The following F2RL3 variants were observed in gnomAD, a reference collection of about 807,000 sequenced individuals.
F2RL3 encodes F2R like thrombin or trypsin receptor 3.
F2RL3 carries 3 observed loss-of-function variants against 4.9 expected under a neutral mutation model. The observed-to-expected ratio is 0.61, with a 90% CI of 0.28 to 1.58. The LOEUF is 1.58. Ranked by LOEUF, F2RL3 falls within the 40% of genes most tolerant of loss-of-function variation. F2RL3 has a pLI of 0.11. For missense variants in F2RL3, 564 were observed against 550.4 expected, an observed-to-expected ratio of 1.02 and a Z score of -0.25; for synonymous variants, 284 against 278.4, an observed-to-expected ratio of 1.02 and a Z score of -0.20.
rs371095099 is a variant in F2RL3 at position 16,890,339 on chromosome 19, C to T, written c.876C>T (p.Ala292=). The change falls in exon 2 of 2, where the codon GCC becomes GCT. Residue 292 remains alanine, a synonymous_variant. Transcript: ENST00000248076. ...LRLTAVVLAS[A]VAFFVPSNLL... ...TGACCGCAGTGGTGCTGGCCTCCGC[C>T]GTGGCCTTCTTCGTGCCCAGCAACC... The T allele has an allele frequency of 1.1e-5, 17 of 1,596,494 alleles. No individual in the cohort carries two copies. The highest frequency in any genetic ancestry group is 8.0e-5 in the African/African-American group (6 of 74,692).
At position 16,892,603 on chromosome 19, in the gene F2RL3, C is replaced by A. The variant is rs1004869566; in HGVS notation, c.*1982C>A. The A allele has an allele frequency of 2.1e-5, 4 of 189,908 alleles. No homozygotes were observed. The highest frequency in any genetic ancestry group is 9.3e-5 in the African/African-American group (4 of 43,212). The allele number at this position is 189,908 out of a possible 1,614,324, so 11.8% of individuals were successfully genotyped here. A position where few individuals can be genotyped will look rare whatever the true frequency, so the allele number is the denominator to read the frequency against. On this transcript the variant is annotated 3_prime_UTR_variant, in exon 2 of 2. Transcript: ENST00000248076. ...GGTTGTAAGCCTTGCACGGGACAGA[C>A]CACAAGGGGCCATGCCAGTGGCTGT...
Position 16,889,583 on chromosome 19 carries a change from C to G in F2RL3, c.120C>G (p.Pro40=). ...GSTGGGDDST[P]SILPAPRGYP... ...CCCTCTCTCTCCCAGACAGCACGCC[C>G]TCAATCCTGCCTGCCCCCCGCGGCT... is the stretch of plus-strand genomic sequence containing the variant. Residue 40 remains proline (P), a synonymous_variant, in exon 2 of 2, where the codon CCC becomes CCG. Coordinates refer to ENST00000248076, the MANE Select transcript of F2RL3 (RefSeq NM_003950.4). The G allele has an allele frequency of 6.3e-7, 1 of 1,577,572 alleles. No homozygotes were observed.
In F2RL3 at chr19:16,890,448, A is replaced by G; in HGVS notation, c.985A>G (p.Ser329Gly). ...TGCCTACGTGCCCAGCCTGGCGCTG[A>G]GCACCCTCAACAGCTGCGTGGATCC... ...YGAYVPSLAL[S>G]TLNSCVDPFI... The change falls in exon 2 of 2, where the codon AGC becomes GGC. Residue 329 changes from serine (S) to glycine (G), a missense_variant. By Grantham distance (56) the Ser-to-Gly change is moderately conservative (BLOSUM62 0). Transcript: ENST00000248076. 3 of 1,612,788 alleles carry G rather than the reference A, an allele frequency of 1.9e-6. No homozygotes were observed. Among genetic ancestry groups the G allele is most frequent in the Middle Eastern group, 3.3e-4 (2 of 6,062 alleles).
chr19:16,889,937 T>G lies in F2RL3; in HGVS notation c.474T>G (p.Gly158=), dbSNP rs2051765558. The G allele has an allele frequency of 1.2e-5, 19 of 1,589,786 alleles. No individual in the cohort carries two copies. Among genetic ancestry groups the G allele is most frequent in the Non-Finnish European group, 1.6e-5 (19 of 1,171,866 alleles). The part of the protein sequence containing the change: ...ACRLATAALY[G]HMYGSVLLLA... The stretch of plus-strand genomic sequence containing the variant: ...GCCTGGCCACGGCCGCACTCTATGG[T>G]CACATGTATGGCTCAGTGCTGCTGC... The change falls in exon 2 of 2, where the codon GGT becomes GGG. Residue 158 remains glycine (G), a synonymous_variant. Transcript: ENST00000248076.
At position 16,891,485 on chromosome 19, in the gene F2RL3, C is replaced by T. The variant is rs985191937; in HGVS notation, c.*864C>T. 16 of 152,152 alleles carry T rather than the reference C, an allele frequency of 1.1e-4. No individual in the cohort carries two copies. The highest frequency in any genetic ancestry group is 3.9e-4 in the African/African-American group (16 of 41,494). 9.4% of individuals were successfully genotyped at this position (152,152 alleles called of 1,614,324 possible). On this transcript the variant is annotated 3_prime_UTR_variant, in exon 2 of 2. Transcript: ENST00000248076. ...AGATAGTGGGTGTGGTGGCTCACAC[C>T]TGCAATCCCAGCACTTTGGAAGGCC...
At position 16,889,144 on chromosome 19, in the gene F2RL3, A is replaced by C. The variant is rs542089132; in HGVS notation, c.-46A>C. On this transcript the variant is annotated 5_prime_UTR_variant, in exon 1 of 2. Coordinates refer to ENST00000248076, the MANE Select transcript of F2RL3 (RefSeq NM_003950.4). ...AGAAGCTGGGGCTCAGGGTCCGGCG[A>C]GGCAGGAAGCCTGAGGCCACAGCCC... 64 of 1,346,668 alleles carry C rather than the reference A, an allele frequency of 4.8e-5. No individual in the cohort carries two copies. In the South Asian group the frequency reaches 9.6e-4, roughly 20 times the overall value. The allele number at this position is 1,346,668 out of a possible 1,614,324, so 83.4% of individuals were successfully genotyped here. A position where few individuals can be genotyped will look rare whatever the true frequency, so the allele number is the denominator to read the frequency against.
In F2RL3 at chr19:16,889,316, TG is replaced by T. The variant is rs1442628417; in HGVS notation, c.109+22del. 1.9e-6 allele frequency: 3 copies of T among 1,567,106 alleles called. No homozygotes were observed. Among genetic ancestry groups the T allele is most frequent in the Non-Finnish European group, 2.6e-6 (3 of 1,153,744 alleles). The stretch of plus-strand genomic sequence containing the variant: ...TGGTGATGGTGAGTGGTCCTGGCTT[TG>T]GGGTGCAGAGATGGGGTTACATCAG... On this transcript the variant is annotated intron_variant, in intron 1 of 1. Transcript: ENST00000248076.
Position 16,890,319 on chromosome 19 carries a change from G to A in F2RL3, c.856G>A (p.Ala286Thr), listed in dbSNP as rs771582957. Residue 286 changes from alanine (A) to threonine (T), a missense_variant, in exon 2 of 2, where the codon GCA becomes ACA. Transcript: ENST00000248076. ...CTACGGCCACGCGCTGAGGCTGACC[G>A]CAGTGGTGCTGGCCTCCGCCGTGGC... Reference protein sequence around the residue: ...RRYGHALRLTAVVLASAVAFF... With the variant: ...RRYGHALRLTTVVLASAVAFF... 2.7e-5 allele frequency: 43 copies of A among 1,583,682 alleles called. No homozygotes were observed. The highest frequency in any genetic ancestry group is 8.1e-5 in the African/African-American group (6 of 74,436).
Position 16,890,014 on chromosome 19 carries a change from C to T in F2RL3, c.551C>T (p.Ala184Val), listed in dbSNP as rs1328976958. The stretch of plus-strand genomic sequence containing the variant: ...CTGGCCCTGGTGCACCCGCTGCGGG[C>T]CCGCGCCCTGCGTGGCCGGCGCCTG... ...RYLALVHPLR[A>V]RALRGRRLAL... Residue 184 changes from alanine (A) to valine (V), a missense_variant, in exon 2 of 2, where the codon GCC becomes GTC. Transcript: ENST00000248076. The T allele has an allele frequency of 7.5e-6, 12 of 1,597,406 alleles. No homozygotes were observed. Among genetic ancestry groups the T allele is most frequent in the African/African-American group, 2.7e-5 (2 of 74,844 alleles).
In F2RL3 at chr19:16,890,589, G is replaced by A. The variant is rs571332331; in HGVS notation, c.1126G>A (p.Gly376Ser). The change falls in exon 2 of 2, where the codon GGC becomes AGC. Residue 376 changes from glycine (G) to serine (S), a missense_variant. Physicochemically the swap from Gly to Ser is moderately conservative, Grantham distance 56. Transcript: ENST00000248076. ...SKASAEGGSR[G>S]MGTHSSLLQ ...GGCCTCTGCGGAAGGGGGCAGCCGG[G>A]GCATGGGCACCCACTCCTCTTTGCT... 1.9e-6 allele frequency: 3 copies of A among 1,585,116 alleles called. No individual in the cohort carries two copies. The highest frequency in any genetic ancestry group is 4.5e-5 in the East Asian group (2 of 43,962).
chr19:16,890,500 A>C lies in F2RL3; in HGVS notation c.1037A>C (p.Glu346Ala). The change falls in exon 2 of 2, where the codon GAG becomes GCG. Residue 346 changes from glutamate (E) to alanine (A), a missense_variant. Physicochemically the swap from Glu to Ala is moderately radical, Grantham distance 107 (BLOSUM62 -1). Coordinates refer to ENST00000248076, the MANE Select transcript of F2RL3 (RefSeq NM_003950.4). The part of the protein sequence containing the change: ...DPFIYYYVSA[E>A]FRDKVRAGLF... ...TTCATCTACTACTACGTGTCGGCCGAGTTCAGGGACAAGGTGCGGGCAGGG... is the reference window on the plus strand; with the variant it reads ...TTCATCTACTACTACGTGTCGGCCGCGTTCAGGGACAAGGTGCGGGCAGGG... The C allele has an allele frequency of 6.2e-7, 1 of 1,612,730 alleles. No homozygotes were observed. Among genetic ancestry groups the C allele is most frequent in the South Asian group, 1.1e-5 (1 of 91,058 alleles).
Position 16,889,770 on chromosome 19 carries a change from G to C in F2RL3, c.307G>C (p.Ala103Pro). The stretch of plus-strand genomic sequence containing the variant: ...CAATGGGCTGGCGCTGTGGGTGCTG[G>C]CCACGCAGGCACCTCGGCTGCCCTC... ...PANGLALWVL[A>P]TQAPRLPSTM... The change falls in exon 2 of 2, where the codon GCC becomes CCC. Residue 103 changes from alanine (A) to proline (P), a missense_variant. Coordinates refer to ENST00000248076, the MANE Select transcript of F2RL3 (RefSeq NM_003950.4). The C allele has an allele frequency of 6.3e-7, 1 of 1,599,082 alleles. No homozygotes were observed. The highest frequency in any genetic ancestry group is 8.5e-7 in the Non-Finnish European group (1 of 1,178,304).
In F2RL3 at chr19:16,890,777, T is replaced by C. The variant is rs1049670000; in HGVS notation, c.*156T>C. 1.7e-5 allele frequency: 11 copies of C among 643,728 alleles called. No individual in the cohort carries two copies. The Admixed American group carries it at 2.9e-4, about 17-fold the overall frequency. 39.9% of individuals were successfully genotyped at this position (643,728 alleles called of 1,614,324 possible). ...GGAGAAGGGTGGGCCTTACATCCAGTGTGGGTGGTGTCCTCATAAGATAAG... is the reference window on the plus strand; with the variant it reads ...GGAGAAGGGTGGGCCTTACATCCAGCGTGGGTGGTGTCCTCATAAGATAAG... On this transcript the variant is annotated 3_prime_UTR_variant, in exon 2 of 2. Transcript: ENST00000248076.
At position 16,889,558 on chromosome 19, in the gene F2RL3, C is replaced by A; in HGVS notation, c.110-15C>A. ...GCCGAGGCAGGGGCTGACTGAGGTC[C>A]CCTCTCTCTCCCAGACAGCACGCCC... On this transcript the variant is annotated splice_polypyrimidine_tract_variant and intron_variant, in intron 1 of 1. Coordinates refer to ENST00000248076, the MANE Select transcript of F2RL3 (RefSeq NM_003950.4). 1 of 1,541,562 alleles carries A rather than the reference C, an allele frequency of 6.5e-7. No homozygotes were observed.
intron 1 of F2RL3, 37 bp from the exon 2 acceptor site, chr19:16,889,536 G>A (rs758420773): frequency 1.1e-5 from 17 of 1,519,222 alleles, no homozygotes; most frequent in Admixed American, 2.0e-5. Context: ...GTCACCTGCC[G>A]AGGCAGGGGC....
At position 16,890,705 on chromosome 19, in the gene F2RL3, T is replaced by C; in HGVS notation, c.*84T>C. On this transcript the variant is annotated 3_prime_UTR_variant, in exon 2 of 2. Transcript: ENST00000248076. ...TTCCTGGGACCTCAGAATGTGACCT[T>C]ATTTGGAAATAGGGTTGTTACAACT... The C allele has an allele frequency of 9.6e-7, 1 of 1,038,750 alleles. No homozygotes were observed. Among genetic ancestry groups the C allele is most frequent in the South Asian group, 1.6e-5 (1 of 61,738 alleles). The allele number at this position is 1,038,750 out of a possible 1,614,324, so 64.3% of individuals were successfully genotyped here.
Position 16,889,711 on chromosome 19 carries a change from T to C in F2RL3, c.248T>C (p.Leu83Pro), listed in dbSNP as rs2051761054. 4 of 1,606,908 alleles carry C rather than the reference T, an allele frequency of 2.5e-6. No individual in the cohort carries two copies. Among genetic ancestry groups the C allele is most frequent in the Non-Finnish European group, 2.5e-6 (3 of 1,179,572 alleles). Residue 83 changes from leucine (L) to proline (P), a missense_variant, in exon 2 of 2, where the codon CTC (leucine) becomes CCC (proline). Coordinates refer to ENST00000248076, the MANE Select transcript of F2RL3 (RefSeq NM_003950.4). Reference sequence around the variant, plus strand: ...GTGCCCACCAGGCTGGTGCCCGCCCTCTATGGGCTGGTCCTGGTGGTGGGG... The same window carrying C: ...GTGCCCACCAGGCTGGTGCCCGCCCCCTATGGGCTGGTCCTGGTGGTGGGG... ...GWVPTRLVPA[L>P]YGLVLVVGLP...
rs778096365 is a variant in F2RL3 at position 16,890,606 on chromosome 19, C to G, written c.1143C>G (p.Ser381=). Reference sequence around the variant, plus strand: ...GCAGCCGGGGCATGGGCACCCACTCCTCTTTGCTCCAGTGACACAAAGTGG... The same window carrying G: ...GCAGCCGGGGCATGGGCACCCACTCGTCTTTGCTCCAGTGACACAAAGTGG... ...EGGSRGMGTH[S]SLLQ is the part of the protein sequence containing the mutation. The change falls in exon 2 of 2, where the codon TCC becomes TCG. Residue 381 remains serine, a synonymous_variant. Coordinates refer to ENST00000248076, the MANE Select transcript of F2RL3 (RefSeq NM_003950.4). 4 of 1,570,468 alleles carry G rather than the reference C, an allele frequency of 2.5e-6. No homozygotes were observed. The African/African-American group carries it at 4.0e-5, about 16-fold the overall frequency.
In F2RL3 at chr19:16,890,595, G is replaced by A. The variant is rs1376468431; in HGVS notation, c.1132G>A (p.Gly378Ser). Residue 378 changes from glycine (G) to serine (S), a missense_variant, in exon 2 of 2, where the codon GGC (glycine) becomes AGC (serine). Gly to Ser is a moderately conservative substitution (Grantham distance 56). Transcript: ENST00000248076. ...TGCGGAAGGGGGCAGCCGGGGCATG[G>A]GCACCCACTCCTCTTTGCTCCAGTG... ...ASAEGGSRGM[G>S]THSSLLQ 3 of 1,580,942 alleles carry A rather than the reference G, an allele frequency of 1.9e-6. No homozygotes were observed. The highest frequency in any genetic ancestry group is 1.8e-5 in the Admixed American group (1 of 54,456).
Sources: gnomAD v4.1 joint callset for allele counts on GRCh38, gnomAD v4.1.1 for gene constraint, MANE v1.5 for transcripts, NCBI Gene and HGNC (gene_info 2026-07-23, HGNC 2026-07-21) for gene names.